The following ORC5 variants were observed in gnomAD, a reference collection of about 807,000 sequenced individuals.
ORC5 encodes protein phosphatase 1, regulatory subunit 117.
Under a neutral mutation model 58.8 loss-of-function variants are expected in ORC5, and 39 were observed. The ratio of observed to expected loss-of-function variants is 0.66; its 90% CI spans 0.51 to 0.87. ORC5 has a LOEUF of 0.87. Ranked by LOEUF, ORC5 falls within the 40% of genes least tolerant of loss-of-function variation. The pLI, the probability that ORC5 is intolerant of heterozygous loss-of-function variation, is 0.00. For synonymous variants in ORC5, 218 were observed against 177.6 expected (o/e 1.23, Z -1.81); for missense variants, 493 against 506.3 (o/e 0.97, Z 0.25).
chr7:104,141,312 T>C (rs1203446869), intron 12 of ORC5, among the ~76,000 whole-genome samples: 2 of 152,214 alleles, frequency 1.3e-5, no homozygotes, highest in Non-Finnish European at 2.9e-5. Context: ...TGGAGCTGCC[T>C]GGCTGTCACT....
At chr7:104,164,779 T>C (rs1474464999) in intron 11 of ORC5, among the ~76,000 whole-genome samples, 1 of 152,190 alleles carries the variant, frequency 6.6e-6, no homozygotes, top group Admixed American at 6.5e-5. Flanking sequence ...CCAAATTAGC[T>C]AAGTTTGAGG....
intron 8 of ORC5, among the ~76,000 whole-genome samples, chr7:104,173,838 ATTTTTT>A (rs1187441773): frequency 8.1e-6 from 1 of 122,786 alleles, no homozygotes; most frequent in African/African-American, 2.9e-5. Flanking sequence ...TGGGTTTAAA[ATTTTTT>A]CTTTTTTTTT....
At chr7:104,178,873 G>A (rs10269939) in intron 8 of ORC5, among the ~76,000 whole-genome samples, 102,207 of 151,800 alleles carry the variant, frequency 0.67, 35,116 homozygotes, top group Non-Finnish European at 0.75. Context: ...AGTGTATCCC[G>A]AAACATAAGA....
At position 104,195,150 on chromosome 7, in the gene ORC5, G is replaced by A. The variant is rs1799769387; in HGVS notation, c.546C>T (p.Tyr182=). ...FEPFVLYFPD[Y]SIGNLQKILS... is the part of the protein sequence containing the mutation. ...CAATGTTTTAAGGTTTACCTATGCTGTAATCAGGGAAATATAAGACAAACG... is the reference window on the plus strand; with the variant it reads ...CAATGTTTTAAGGTTTACCTATGCTATAATCAGGGAAATATAAGACAAACG... Residue 182 remains tyrosine, a synonymous_variant, in exon 5 of 14, where the codon TAC becomes TAT. Transcript: ENST00000297431. 1.3e-6 allele frequency: 2 copies of A among 1,534,010 alleles called. No homozygotes were observed. The highest frequency in any genetic ancestry group is 8.8e-7 in the Non-Finnish European group (1 of 1,136,676).
At chr7:104,169,409 A>G (rs1249645189) in intron 8 of ORC5, among the ~76,000 whole-genome samples, 1 of 152,208 alleles carries the variant, frequency 6.6e-6, no homozygotes, top group Non-Finnish European at 1.5e-5. Flanking sequence ...AGTGATTATG[A>G]CACGACAAAT....
chr7:104,181,805 A>G (rs183294929), intron 8 of ORC5, among the ~76,000 whole-genome samples: 4 of 151,646 alleles, frequency 2.6e-5, no homozygotes, highest in Non-Finnish European at 1.5e-5. Context: ...AAAAAAAAAA[A>G]AAAGAAAATG....
At chr7:104,140,148 T>C (rs1413854984) in intron 12 of ORC5, among the ~76,000 whole-genome samples, 2 of 152,262 alleles carry the variant, frequency 1.3e-5, no homozygotes, top group Non-Finnish European at 2.9e-5. Flanking sequence ...ACTTTCAAGG[T>C]TGATGTTTTC....
rs1453593381 is a variant in ORC5 at position 104,138,796 on chromosome 7, C to A, written c.1150-1903G>T. 2.6e-5 allele frequency among the ~76,000 whole-genome samples: 4 copies of A among 152,150 alleles called. No individual in the cohort carries two copies. Among genetic ancestry groups the A allele is most frequent in the Non-Finnish European group, 5.9e-5 (4 of 68,014 alleles). ...AAAGTGTTGGGATTAGAGGCGTGAG[C>A]CCCCGCACCCAACCATTGCTTTAAA... On this transcript the variant is annotated intron_variant, in intron 12 of 13. Transcript: ENST00000297431. This position sits in a 1 kb window ranked among gnomAD's most constrained non-coding sequence, Gnocchi z 4.7.
At chr7:104,141,201 G>T (rs1326133530) in intron 12 of ORC5, among the ~76,000 whole-genome samples, 1 of 152,178 alleles carries the variant, frequency 6.6e-6, no homozygotes, top group Non-Finnish European at 1.5e-5. Flanking sequence ...GCATTCAACA[G>T]AATAAACCCA....
chr7:104,190,359 T>C (rs1799647248), intron 5 of ORC5, among the ~76,000 whole-genome samples: 1 of 152,134 alleles, frequency 6.6e-6, no homozygotes. Context: ...CTTCATGTTT[T>C]ATAAAATGAA....
In ORC5 at chr7:104,159,840, T is replaced by A. The variant is rs188998231; in HGVS notation, c.1149+1232A>T. 3.9e-5 allele frequency among the ~76,000 whole-genome samples: 6 copies of A among 152,310 alleles called. No homozygotes were observed. The East Asian group carries it at 9.6e-4, about 24-fold the overall frequency. The stretch of plus-strand genomic sequence containing the variant: ...TGATAATTCAAAATACCTGCTAATC[T>A]AGAGTTACCGCAACAGTAAACACAA... On this transcript the variant is annotated intron_variant, in intron 12 of 13. Transcript: ENST00000297431.
chr7:104,154,075 T>G (rs1036903731), intron 12 of ORC5, among the ~76,000 whole-genome samples: 1 of 152,108 alleles, frequency 6.6e-6, no homozygotes, highest in Non-Finnish European at 1.5e-5. Flanking sequence ...GACATGAGTA[T>G]AATTTTCCAT....
chr7:104,141,961 G>A (rs1798680351), intron 12 of ORC5, among the ~76,000 whole-genome samples: 1 of 151,952 alleles, frequency 6.6e-6, no homozygotes, highest in African/African-American at 2.4e-5. Flanking sequence ...CACAGCTAGA[G>A]GTATCACAAT....
rs1798589907 is a variant in ORC5, at chr7:104,136,510, T to C, written c.1262+271A>G. Among the ~76,000 whole-genome samples, 1 of 152,216 alleles carries C rather than the reference T, an allele frequency of 6.6e-6. No individual in the cohort carries two copies. The highest frequency in any genetic ancestry group is 2.4e-5 in the African/African-American group (1 of 41,462). Reference sequence around the variant, plus strand: ...AGAGTTTTCTGTAGCCAACTGTCCATTAAATCTTACCTTGCCACTATGGGA... The same window carrying C: ...AGAGTTTTCTGTAGCCAACTGTCCACTAAATCTTACCTTGCCACTATGGGA... On this transcript the variant is annotated intron_variant, in intron 13 of 13. Coordinates refer to ENST00000297431, the MANE Select transcript of ORC5 (RefSeq NM_002553.4). This position sits in a 1 kb window ranked among gnomAD's most constrained non-coding sequence, Gnocchi z 4.2.
intron 2 of ORC5, 106 bp downstream of exon 2, chr7:104,204,036 T>C (rs780797353): frequency 1.2e-5 from 7 of 561,336 alleles, no homozygotes; most frequent in African/African-American, 1.9e-5. Context: ...AGGAGAGTAA[T>C]GTAAAGGTGG....
At position 104,201,435 on chromosome 7, in the gene ORC5, T is replaced by C. The variant is rs571688636; in HGVS notation, c.166-477A>G. Among the ~76,000 whole-genome samples the C allele has an allele frequency of 3.9e-5, 6 of 152,272 alleles. No homozygotes were observed. The South Asian group carries it at 1.0e-3, about 26-fold the overall frequency. ...TTTCCATTATAAAACTGTCCCTTCA[T>C]TAAACTCACTTCAATTATTTCTTTC... On this transcript the variant is annotated intron_variant, in intron 2 of 13. Transcript: ENST00000297431.
chr7:104,191,459 C>T (rs900475026), intron 5 of ORC5, among the ~76,000 whole-genome samples: 7 of 152,054 alleles, frequency 4.6e-5, no homozygotes, highest in Admixed American at 1.3e-4. Context: ...GCTCAGACTG[C>T]ACTTCTGAGT....
intron 4 of ORC5, among the ~76,000 whole-genome samples, chr7:104,196,910 C>T (rs1219891245): frequency 5.9e-5 from 9 of 152,078 alleles, no homozygotes; most frequent in Non-Finnish European, 1.3e-4. Context: ...ATGGTTTCAC[C>T]TGGAAACAAC....
intron 12 of ORC5, among the ~76,000 whole-genome samples, chr7:104,159,797 T>C (rs546215615): frequency 2.6e-5 from 4 of 152,324 alleles, no homozygotes; most frequent in East Asian, 1.9e-4. Flanking sequence ...TAAGGCTCCA[T>C]TGCTTATAAT....
Sources: gnomAD v4.1 joint callset for allele counts (sites outside exome capture counted in the v4.1 genomes callset) on GRCh38, gnomAD v4.1.1 for gene constraint, Gnocchi (gnomAD v3.1) non-coding constraint, MANE v1.5 for transcripts, NCBI Gene and HGNC (gene_info 2026-07-23, HGNC 2026-07-21) for gene names.